Variants in MCTP1 observed in about 807,000 individuals in gnomAD.
MCTP1 encodes multiple C2 and transmembrane domain containing 1, also known as multiple C2 and transmembrane domain-containing protein 1.
Under a neutral mutation model 120.6 loss-of-function variants are expected in MCTP1, and 69 were observed. That is an observed-to-expected ratio of 0.57 (90% confidence interval 0.47 to 0.70). The LOEUF is 0.70. Ranked by LOEUF, MCTP1 falls within the 30% of genes least tolerant of loss-of-function variation. The pLI, the probability that MCTP1 is intolerant of heterozygous loss-of-function variation, is 0.00. For missense variants in MCTP1, 1,203 were observed against 1,248.8 expected, an observed-to-expected ratio of 0.96 and a Z score of 0.55; for synonymous variants, 529 against 493.1, an observed-to-expected ratio of 1.07 and a Z score of -0.96.
chr5:95,178,708 T>G (rs1031974991), intron 1 of MCTP1, among the ~76,000 whole-genome samples: 1 of 152,150 alleles, frequency 6.6e-6, no homozygotes, highest in Non-Finnish European at 1.5e-5. Flanking sequence ...CCCTCTGACA[T>G]AGCCTATCCA....
chr5:95,230,751 A>G (rs1298836556), intron 1 of MCTP1, among the ~76,000 whole-genome samples: 1 of 152,212 alleles, frequency 6.6e-6, no homozygotes, highest in Non-Finnish European at 1.5e-5. Context: ...ATCCACAAGA[A>G]ATACATTTTC....
At chr5:95,044,786 C>G (rs750778133) in intron 1 of MCTP1, among the ~76,000 whole-genome samples, 1 of 151,948 alleles carries the variant, frequency 6.6e-6, no homozygotes, top group African/African-American at 2.4e-5. Flanking sequence ...CGTGTCTTCA[C>G]TCTGTCCTCT....
chr5:94,922,224 A>C (rs1304004384), intron 7 of MCTP1, among the ~76,000 whole-genome samples: 1 of 152,222 alleles, frequency 6.6e-6, no homozygotes, highest in Non-Finnish European at 1.5e-5. Flanking sequence ...AGAGTTCAAG[A>C]GATTGAGAAA....
At position 95,235,519 on chromosome 5, in the gene MCTP1, ACTTT is replaced by A. The variant is rs1191562903; in HGVS notation, c.720+48333_720+48336del. ...AGATTAAAAAGGAAGAAGTAGAAACACTTTCTTTCTTTCTTTCCTTACTATGCTG... is the reference window on the plus strand; with the variant it reads ...AGATTAAAAAGGAAGAAGTAGAAACACTTTCTTTCTTTCCTTACTATGCTG... On this transcript the variant is annotated intron_variant, in intron 1 of 22. Transcript: ENST00000515393. Among the ~76,000 whole-genome samples the A allele has an allele frequency of 9.2e-5, 14 of 152,004 alleles. No homozygotes were observed. The East Asian group carries it at 2.1e-3, about 23-fold the overall frequency.
intron 17 of MCTP1, among the ~76,000 whole-genome samples, chr5:94,820,065 T>C (rs983533658): frequency 6.6e-6 from 1 of 152,198 alleles, no homozygotes; most frequent in Non-Finnish European, 1.5e-5. Context: ...TCTTTTTAAC[T>C]TGTACCTTGA....
chr5:95,141,663 T>G (rs1436484996), intron 1 of MCTP1, among the ~76,000 whole-genome samples: 6 of 152,200 alleles, frequency 3.9e-5, no homozygotes, highest in African/African-American at 1.4e-4. Flanking sequence ...TGATTTCATT[T>G]CTCTTTCTCC....
intron 19 of MCTP1, among the ~76,000 whole-genome samples, chr5:94,740,013 T>G (rs1051790837): frequency 3.3e-5 from 5 of 152,210 alleles, no homozygotes; most frequent in African/African-American, 7.2e-5. Flanking sequence ...CTCAAATCTC[T>G]TCATCACATG....
At chr5:95,225,097 C>G (rs1440922885) in intron 1 of MCTP1, among the ~76,000 whole-genome samples, 1 of 151,958 alleles carries the variant, frequency 6.6e-6, no homozygotes, top group African/African-American at 2.4e-5. Flanking sequence ...AAATAAATTT[C>G]TCATCATTTC....
chr5:95,102,589 G>A (rs1756816301), intron 1 of MCTP1, among the ~76,000 whole-genome samples: 1 of 152,136 alleles, frequency 6.6e-6, no homozygotes, highest in African/African-American at 2.4e-5. Flanking sequence ...CCCAAATGTG[G>A]GGCAGTTCTG....
intron 1 of MCTP1, among the ~76,000 whole-genome samples, chr5:95,246,011 G>A (rs914576628): frequency 2.0e-5 from 3 of 152,172 alleles, no homozygotes; most frequent in Non-Finnish European, 2.9e-5. Flanking sequence ...CCAGAAGAGT[G>A]GGAGCCAATA....
chr5:94,826,265 G>A, intron 17 of MCTP1: 1 of 445,078 alleles, frequency 2.2e-6, no homozygotes, highest in Non-Finnish European at 4.2e-6. Flanking sequence ...CTTTAGATTT[G>A]GGAACCCCCA....
chr5:94,778,509 G>A (rs1775908590), intron 19 of MCTP1, among the ~76,000 whole-genome samples: 1 of 152,062 alleles, frequency 6.6e-6, no homozygotes, highest in Non-Finnish European at 1.5e-5. Flanking sequence ...AGAAACTGCT[G>A]TTATTTACTG....
intron 19 of MCTP1, among the ~76,000 whole-genome samples, chr5:94,742,339 A>C (rs1765719516): frequency 6.6e-6 from 1 of 152,152 alleles, no homozygotes; most frequent in Admixed American, 6.5e-5. Context: ...ACAGGGGTGC[A>C]CTGCCATGCC....
intron 1 of MCTP1, among the ~76,000 whole-genome samples, chr5:95,092,441 G>T (rs149299801): frequency 6.6e-6 from 1 of 152,106 alleles, no homozygotes; most frequent in African/African-American, 2.4e-5. Flanking sequence ...GTAGTACTAC[G>T]TTCTAGTATT....
At chr5:95,121,117 A>C (rs1304073570) in intron 1 of MCTP1, among the ~76,000 whole-genome samples, 1 of 151,980 alleles carries the variant, frequency 6.6e-6, no homozygotes, top group East Asian at 1.9e-4. Flanking sequence ...TCTCTACTAA[A>C]AATACAAAAA....
At chr5:94,790,196 T>C (rs1175735202) in intron 18 of MCTP1, among the ~76,000 whole-genome samples, 2 of 152,178 alleles carry the variant, frequency 1.3e-5, no homozygotes, top group Non-Finnish European at 2.9e-5. Flanking sequence ...AAGACTCAGG[T>C]GTGTCAGTCA....
chr5:95,277,925 T>C (rs985380665), intron 1 of MCTP1, among the ~76,000 whole-genome samples: 1 of 152,156 alleles, frequency 6.6e-6, no homozygotes, highest in Non-Finnish European at 1.5e-5. Flanking sequence ...CTCATTATAT[T>C]ACAAATACAG....
chr5:95,114,510 C>T (rs571640489), intron 1 of MCTP1, among the ~76,000 whole-genome samples: 1 of 152,346 alleles, frequency 6.6e-6, no homozygotes, highest in South Asian at 2.1e-4. Context: ...TGGCAGTAAC[C>T]TGGCAATACT....
At chr5:94,901,490 C>T (rs1805520626) in intron 10 of MCTP1, among the ~76,000 whole-genome samples, 1 of 152,130 alleles carries the variant, frequency 6.6e-6, no homozygotes, top group Non-Finnish European at 1.5e-5. Context: ...CTTTCTCTCT[C>T]ACTCCCACTG....
Sources: allele counts gnomAD v4.1 joint callset (sites outside exome capture counted in the v4.1 genomes callset), GRCh38; gene constraint gnomAD v4.1.1; transcripts MANE v1.5; gene names NCBI Gene and HGNC (gene_info 2026-07-23, HGNC 2026-07-21).